The following SERINC5 variants were observed in gnomAD, a reference collection of about 807,000 sequenced individuals.
SERINC5 encodes serine incorporator 5, also known as chromosome 5 open reading frame 12.
SERINC5 carries 41 observed loss-of-function variants against 63.1 expected under a neutral mutation model. That is an observed-to-expected ratio of 0.65 (90% CI 0.51 to 0.84). SERINC5 has a LOEUF of 0.84. Ranked by LOEUF, SERINC5 falls within the 40% of genes least tolerant of loss-of-function variation. SERINC5 has a pLI of 0.00. For synonymous variants in SERINC5, 222 were observed against 215.2 expected, an observed-to-expected ratio of 1.03 and a Z score of -0.28; for missense variants, 523 against 573.0, an observed-to-expected ratio of 0.91 and a Z score of 0.89.
chr5:80,174,181 C>T (rs1426781410), intron 5 of SERINC5, among the ~76,000 whole-genome samples: 2 of 151,614 alleles, frequency 1.3e-5, no homozygotes, highest in African/African-American at 2.4e-5. Flanking sequence ...GGCGACGTGG[C>T]GAAATCCCAT....
chr5:80,228,950 G>A (rs927188408), intron 1 of SERINC5, among the ~76,000 whole-genome samples: 1 of 148,734 alleles, frequency 6.7e-6, no homozygotes, highest in Non-Finnish European at 1.5e-5. Context: ...CTATACTTAG[G>A]CTTACAACAA....
intron 1 of SERINC5, among the ~76,000 whole-genome samples, chr5:80,243,063 C>T (rs777198588): frequency 2.0e-5 from 3 of 152,188 alleles, no homozygotes; most frequent in Admixed American, 1.3e-4. Flanking sequence ...CAATCCTTGT[C>T]GATCTCAGTC....
chr5:80,128,814 C>G (rs139524833), intron 11 of SERINC5: 2 of 152,262 alleles, frequency 1.3e-5, no homozygotes, highest in Admixed American at 1.3e-4. Context: ...CAGACTGGAA[C>G]ATTATAAGGA....
chr5:80,163,415 T>G (rs969147004), intron 7 of SERINC5, among the ~76,000 whole-genome samples: 3 of 152,182 alleles, frequency 2.0e-5, no homozygotes, highest in Non-Finnish European at 2.9e-5. Flanking sequence ...CTTGGTTCAG[T>G]TCTCAAAAGT....
At position 80,177,405 on chromosome 5, in the gene SERINC5, T is replaced by TG. The variant is rs146944957; in HGVS notation, c.375-9dup. On this transcript the variant is annotated splice_polypyrimidine_tract_variant and intron_variant, in intron 3 of 11. Coordinates refer to ENST00000507668, the MANE Select transcript of SERINC5 (RefSeq NM_001174072.3). ...AGTTTAAAGAACCAAAAGCTAGAAG[T>TG]GGGGGGAAAAAAAAGAGGAAATGTA... 3,168 of 1,606,894 alleles carry TG rather than the reference T, an allele frequency of 2.0e-3. 52 individuals are homozygous for TG. The African/African-American group carries it at 0.036, about 18-fold the overall frequency.
At chr5:80,167,235 A>AC (rs1369609136) in intron 6 of SERINC5, 4 of 151,778 alleles carry the variant, frequency 2.6e-5, no homozygotes, top group East Asian at 1.9e-4. Context: ...CCTTCCTCCC[A>AC]CCTCCACCCT....
chr5:80,183,848 A>G (rs1302512792), intron 2 of SERINC5, among the ~76,000 whole-genome samples: 2 of 152,148 alleles, frequency 1.3e-5, no homozygotes, highest in African/African-American at 4.8e-5. Flanking sequence ...ATAAACAGCC[A>G]TGTTGCTCAC....
rs750472370 is a variant in SERINC5, at chr5:80,202,882, T to G, written c.195+4A>C. ...TAGGACGAGCTGAACACGGACAAAC[T>G]TACGTGCTCTTTCATCTTGTGAGCC... is the stretch of plus-strand genomic sequence containing the variant. On this transcript the variant is annotated splice_donor_region_variant and intron_variant, in intron 2 of 11. Transcript: ENST00000507668. The G allele has an allele frequency of 1.2e-6, 2 of 1,606,174 alleles. No homozygotes were observed. The highest frequency in any genetic ancestry group is 4.5e-5 in the East Asian group (2 of 44,694).
At chr5:80,231,783 T>C (rs1179418802) in intron 1 of SERINC5, among the ~76,000 whole-genome samples, 1 of 152,100 alleles carries the variant, frequency 6.6e-6, no homozygotes, top group African/African-American at 2.4e-5. Context: ...GTTGGACCCT[T>C]TCCCCATACC....
chr5:80,134,347 G>A (rs571707381), downstream of SERINC5, among the ~76,000 whole-genome samples: 19 of 152,190 alleles, frequency 1.2e-4, no homozygotes, highest in South Asian at 2.1e-4. Context: ...TTAGTCTGGC[G>A]TGGTGGCGTG....
intron 8 of SERINC5, among the ~76,000 whole-genome samples, chr5:80,152,216 C>G (rs935269543): frequency 1.3e-5 from 2 of 152,096 alleles, no homozygotes; most frequent in African/African-American, 4.8e-5. Context: ...TTAAGAGTGG[C>G]CCGGCTGGGT....
chr5:80,153,808 C>CA (rs1349445320), intron 8 of SERINC5, among the ~76,000 whole-genome samples: 1,952 of 91,170 alleles, frequency 0.021, 29 homozygotes, highest in African/African-American at 0.04. Context: ...TGGTGACAGC[C>CA]AAAAAAAAAA....
intron 1 of SERINC5, among the ~76,000 whole-genome samples, chr5:80,251,729 CAAAA>C (rs559105559): frequency 4.3e-5 from 4 of 93,538 alleles, no homozygotes; most frequent in Non-Finnish European, 4.5e-5. Context: ...GACGCTGTCT[CAAAA>C]AAAAAAAAAA....
At chr5:80,155,099 G>C (rs1304938565) in intron 8 of SERINC5, among the ~76,000 whole-genome samples, 1 of 152,206 alleles carries the variant, frequency 6.6e-6, no homozygotes, top group Non-Finnish European at 1.5e-5. Context: ...AGACTGACCT[G>C]ATCAACTCTG....
intron 8 of SERINC5, among the ~76,000 whole-genome samples, chr5:80,153,449 C>T (rs891856006): frequency 2.0e-5 from 3 of 151,312 alleles, no homozygotes; most frequent in African/African-American, 4.9e-5. Flanking sequence ...CCATACAACA[C>T]TCTTCTTGGA....
At chr5:80,222,291 T>C (rs1375069813) in intron 1 of SERINC5, among the ~76,000 whole-genome samples, 1 of 152,054 alleles carries the variant, frequency 6.6e-6, no homozygotes. Context: ...TCACCCCCAC[T>C]TTGCAACTGT....
intron 1 of SERINC5, among the ~76,000 whole-genome samples, chr5:80,245,641 G>A (rs1752137014): frequency 6.6e-6 from 1 of 151,496 alleles, no homozygotes; most frequent in Non-Finnish European, 1.5e-5. Context: ...TTGAGACTGA[G>A]TCTCACTCTG....
intron 1 of SERINC5, among the ~76,000 whole-genome samples, chr5:80,218,400 C>A (rs372796325): frequency 6.6e-6 from 1 of 152,136 alleles, no homozygotes; most frequent in Non-Finnish European, 1.5e-5. Context: ...ATTAGCCAGG[C>A]ATGATGGCAC....
intron 1 of SERINC5, among the ~76,000 whole-genome samples, chr5:80,247,707 A>G (rs1182397248): frequency 6.6e-6 from 1 of 152,228 alleles, no homozygotes; most frequent in Non-Finnish European, 1.5e-5. Flanking sequence ...CCCTTCCTGT[A>G]TCAGCTCACC....
Sources: gnomAD v4.1 joint callset for allele counts (sites outside exome capture counted in the v4.1 genomes callset) on GRCh38, gnomAD v4.1.1 for gene constraint, MANE v1.5 for transcripts, NCBI Gene and HGNC (gene_info 2026-07-23, HGNC 2026-07-21) for gene names.